Variants in DNAH8 observed in about 807,000 individuals in gnomAD.
The protein encoded by DNAH8 is dynein axonemal heavy chain 8.
In DNAH8, 382 loss-of-function variants were observed where a neutral mutation model predicts 562.1. The observed-to-expected ratio is 0.68, with a 90% CI of 0.63 to 0.74. The LOEUF (loss-of-function observed/expected upper bound fraction) is 0.74. Ranked by LOEUF, DNAH8 falls within the 30% of genes least tolerant of loss-of-function variation. The pLI, the probability that DNAH8 is intolerant of heterozygous loss-of-function variation, is 0.00. For synonymous variants in DNAH8, 1,881 were observed against 1,919.4 expected (o/e 0.98, Z 0.52); for missense variants, 5,203 against 5,620.4 (o/e 0.93, Z 2.37).
intron 91 of DNAH8, among the ~76,000 whole-genome samples, chr6:39,025,005 G>A (rs1206372422): frequency 3.3e-5 from 5 of 152,176 alleles, no homozygotes; most frequent in Non-Finnish European, 7.3e-5. Flanking sequence ...TGCAAATAAA[G>A]CCAAACCATT....
chr6:39,024,787 C>T (rs181682917), intron 91 of DNAH8, among the ~76,000 whole-genome samples: 2 of 152,312 alleles, frequency 1.3e-5, no homozygotes, highest in East Asian at 1.9e-4. Flanking sequence ...TTCCTGCCTC[C>T]TATACTTAAC....
intron 37 of DNAH8, among the ~76,000 whole-genome samples, chr6:38,849,682 A>G (rs1351170917): frequency 1.3e-5 from 2 of 152,062 alleles, no homozygotes; most frequent in African/African-American, 2.4e-5. Flanking sequence ...TGTATTTTTA[A>G]AAGAGGAAAG....
intron 80 of DNAH8, among the ~76,000 whole-genome samples, chr6:38,947,400 C>T (rs976983796): frequency 6.6e-6 from 1 of 152,142 alleles, no homozygotes; most frequent in Admixed American, 6.5e-5. Flanking sequence ...CCTTGGCATC[C>T]CAGGCCAAGG....
chr6:38,788,372 G>A (rs186144374), intron 18 of DNAH8, among the ~76,000 whole-genome samples: 6 of 152,142 alleles, frequency 3.9e-5, no homozygotes, highest in Middle Eastern at 3.4e-3. Flanking sequence ...GGATGGTCTC[G>A]ATCTCTTGAC....
intron 58 of DNAH8, 57 bp downstream of exon 58, chr6:38,890,818 C>A: frequency 8.4e-7 from 1 of 1,194,552 alleles, no homozygotes; most frequent in Non-Finnish European, 1.3e-6. Context: ...AGCCCTAGAT[C>A]ACACCTCGTG....
intron 20 of DNAH8, 117 bp downstream of exon 20, chr6:38,790,522 G>C: frequency 1.9e-6 from 1 of 535,392 alleles, no homozygotes; most frequent in Non-Finnish European, 3.2e-6. Flanking sequence ...ACATCCGTTA[G>C]GTTTAAAATA....
chr6:38,734,331 C>CA, intron 4 of DNAH8, 143 bp from the exon 5 acceptor site: 7 of 769,700 alleles, frequency 9.1e-6, no homozygotes, highest in South Asian at 5.9e-5. Flanking sequence ...AGTAGACCCC[C>CA]CCCCAAAAAA....
intron 11 of DNAH8, among the ~76,000 whole-genome samples, chr6:38,762,021 A>G (rs780530403): frequency 2.6e-5 from 4 of 152,128 alleles, no homozygotes; most frequent in Non-Finnish European, 5.9e-5. Context: ...TGCCTGTGTT[A>G]GACTCCTGTG....
intron 30 of DNAH8, among the ~76,000 whole-genome samples, chr6:38,829,826 A>G (rs935570295): frequency 3.3e-5 from 5 of 152,236 alleles, no homozygotes; most frequent in African/African-American, 7.2e-5. Context: ...TGTTAAGTAT[A>G]TTCACATTGC....
At chr6:38,819,329 A>G (rs1772601754) in intron 26 of DNAH8, among the ~76,000 whole-genome samples, 1 of 152,228 alleles carries the variant, frequency 6.6e-6, no homozygotes, top group African/African-American at 2.4e-5. Context: ...GAATGGGATT[A>G]GAGAGGTACC....
chr6:38,829,270 C>T (rs113216370), intron 30 of DNAH8, among the ~76,000 whole-genome samples: 2 of 152,104 alleles, frequency 1.3e-5, no homozygotes, highest in East Asian at 3.9e-4. Context: ...CAAATGTTTT[C>T]TCTTCTGTGG....
intron 36 of DNAH8, among the ~76,000 whole-genome samples, chr6:38,846,420 C>T (rs1378134012): frequency 2.0e-5 from 3 of 152,110 alleles, no homozygotes; most frequent in South Asian, 4.1e-4. Flanking sequence ...TTCCTCTGGC[C>T]GACTGTGCAG....
intron 82 of DNAH8, among the ~76,000 whole-genome samples, chr6:38,955,511 A>G (rs888230683): frequency 6.6e-6 from 1 of 151,988 alleles, no homozygotes; most frequent in African/African-American, 2.4e-5. Context: ...GGCACTTGTA[A>G]TCCCAGTTAC....
intron 92 of DNAH8, among the ~76,000 whole-genome samples, chr6:39,027,646 G>A (rs1426214114): frequency 6.6e-6 from 1 of 152,062 alleles, no homozygotes; most frequent in Non-Finnish European, 1.5e-5. Context: ...TGGCCAATAT[G>A]GTGAAACCCG....
intron 11 of DNAH8, among the ~76,000 whole-genome samples, chr6:38,762,643 A>T (rs1766629860): frequency 6.6e-6 from 1 of 152,182 alleles, no homozygotes; most frequent in South Asian, 2.1e-4. Flanking sequence ...AATTAAAGTG[A>T]CCTGTTCATT....
At chr6:39,026,523 C>T in intron 91 of DNAH8, 23 bp from the exon 92 acceptor site, 3 of 1,594,074 alleles carry the variant, frequency 1.9e-6, no homozygotes, top group African/African-American at 1.3e-5. Flanking sequence ...AAGGCTTCAA[C>T]ATCTCTTCTT....
At chr6:39,005,241 C>T (rs1765728475) in intron 88 of DNAH8, among the ~76,000 whole-genome samples, 2 of 152,062 alleles carry the variant, frequency 1.3e-5, no homozygotes, top group Admixed American at 6.6e-5. Flanking sequence ...GTGAAACCCC[C>T]TCTCTACTAA....
chr6:39,028,466 A>G (rs1767442989), intron 92 of DNAH8, among the ~76,000 whole-genome samples: 1 of 152,162 alleles, frequency 6.6e-6, no homozygotes, highest in Non-Finnish European at 1.5e-5. Context: ...CTCTGCCTCC[A>G]TTCTCACATT....
rs768245592 is a variant in DNAH8 at position 38,815,659 on chromosome 6, T to G, written c.3523+2T>G. On this transcript the variant is annotated splice_donor_variant, in intron 26 of 92. Transcript: ENST00000327475. LOFTEE classifies it high-confidence loss of function. ...GAAAACTGCTGAAGAAGGAAGAAAG[T>G]AAGAATGTAAAATTAGTCAATGATC... 1.9e-6 allele frequency: 3 copies of G among 1,607,892 alleles called. No homozygotes were observed.
Sources: allele counts gnomAD v4.1 joint callset (sites outside exome capture counted in the v4.1 genomes callset), GRCh38; gene constraint gnomAD v4.1.1; transcripts MANE v1.5; gene names NCBI Gene and HGNC (gene_info 2026-07-23, HGNC 2026-07-21).